LINGO2: variants seen among roughly 807,000 people sequenced by gnomAD.
LINGO2 encodes the protein leucine rich repeat and Ig domain containing 2.
Under a neutral mutation model 30.6 loss-of-function variants are expected in LINGO2, and 14 were observed. The observed-to-expected ratio is 0.46, with a 90% CI of 0.30 to 0.72. The LOEUF (loss-of-function observed/expected upper bound fraction) is 0.72. LINGO2 is among the 30% of genes least tolerant of loss of function. LINGO2 has a pLI of 0.07. For synonymous variants in LINGO2, 317 were observed against 288.5 expected (o/e 1.10, Z -1.00); for missense variants, 729 against 751.7 (o/e 0.97, Z 0.35).
chr9:29,135,500 G>A, the LINGO2 span, among the ~76,000 whole-genome samples: 2 of 150,698 alleles, frequency 1.3e-5, no homozygotes, highest in Non-Finnish European at 2.9e-5. Context: ...GGAGCTTGCA[G>A]TGAGCCGGGA....
chr9:28,697,254 A>G, the LINGO2 span, among the ~76,000 whole-genome samples: 1 of 151,898 alleles, frequency 6.6e-6, no homozygotes, highest in Non-Finnish European at 1.5e-5. Flanking sequence ...TCTTCTTCCT[A>G]GTGTTCTGTC....
intron 2 of LINGO2, among the ~76,000 whole-genome samples, chr9:28,396,226 T>A (rs955886479): frequency 6.6e-5 from 10 of 152,186 alleles, no homozygotes; most frequent in African/African-American, 2.2e-4. Context: ...ATTGACTCAC[T>A]TATTCTTTAT....
At chr9:28,350,002 C>A (rs1819787937) in intron 3 of LINGO2, among the ~76,000 whole-genome samples, 1 of 152,002 alleles carries the variant, frequency 6.6e-6, no homozygotes. Flanking sequence ...GAAGGAAGCA[C>A]TAAACATGGA....
At chr9:28,438,827 C>CATATATATATAT (rs200082723) in intron 2 of LINGO2, among the ~76,000 whole-genome samples, 204 of 130,792 alleles carry the variant, frequency 1.6e-3, no homozygotes, top group African/African-American at 5.4e-3. Flanking sequence ...AAAATATATA[C>CATATATATATAT]ATATATATAT....
intron 4 of LINGO2, among the ~76,000 whole-genome samples, chr9:28,270,721 T>C (rs988829631): frequency 1.3e-5 from 2 of 152,098 alleles, no homozygotes; most frequent in Non-Finnish European, 2.9e-5. Flanking sequence ...GTTGGGAAAA[T>C]AGTAATTAGT....
At chr9:28,650,801 T>G (rs1157601788) in intron 1 of LINGO2, among the ~76,000 whole-genome samples, 1 of 152,236 alleles carries the variant, frequency 6.6e-6, no homozygotes, top group African/African-American at 2.4e-5. Context: ...TCACTGTCAC[T>G]GTATTCTCTG....
At chr9:28,803,971 T>C in the LINGO2 span, among the ~76,000 whole-genome samples, 1 of 152,128 alleles carries the variant, frequency 6.6e-6, no homozygotes, top group Non-Finnish European at 1.5e-5. Context: ...ATGATTTCTC[T>C]CATCCCAATA....
chr9:28,177,782 T>A (rs543988995), intron 4 of LINGO2, among the ~76,000 whole-genome samples: 2 of 152,280 alleles, frequency 1.3e-5, no homozygotes, highest in African/African-American at 2.4e-5. Context: ...AAAAATTCCA[T>A]GAAATAAATT....
intron 1 of LINGO2, among the ~76,000 whole-genome samples, chr9:28,639,477 G>C (rs1588006860): frequency 6.6e-6 from 1 of 151,468 alleles, no homozygotes; most frequent in Admixed American, 6.6e-5. Flanking sequence ...AGGTCTCTAA[G>C]GACTTGCTTT....
At chr9:28,074,968 AT>A (rs1825582004) in intron 4 of LINGO2, among the ~76,000 whole-genome samples, 1 of 150,862 alleles carries the variant, frequency 6.6e-6, no homozygotes, top group African/African-American at 2.4e-5. Flanking sequence ...ATAAAATTAT[AT>A]TTTTAATGTA....
chr9:28,575,396 C>CA (rs3065643), intron 1 of LINGO2, among the ~76,000 whole-genome samples: 99,511 of 141,018 alleles, frequency 0.71, 36,304 homozygotes, highest in Middle Eastern at 0.82. Context: ...GACTCCGTCT[C>CA]AAAAAAAAAA....
At chr9:28,948,225 C>T in the LINGO2 span, among the ~76,000 whole-genome samples, 24,927 of 151,868 alleles carry the variant, frequency 0.16, 2,071 homozygotes, top group South Asian at 0.2. Context: ...AATCAAGTTA[C>T]AGTGTGTTAG....
chr9:28,670,464 G>A (rs953568445), upstream of LINGO2, among the ~76,000 whole-genome samples: 1 of 152,054 alleles, frequency 6.6e-6, no homozygotes, highest in Non-Finnish European at 1.5e-5. Flanking sequence ...ATGTCTGTCT[G>A]GGACTTCCGA....
intron 4 of LINGO2, among the ~76,000 whole-genome samples, chr9:28,134,918 C>T (rs148463206): frequency 5.8e-4 from 89 of 152,266 alleles, no homozygotes; most frequent in Non-Finnish European, 1.1e-3. Context: ...TAAGCTCAGA[C>T]GCTCTATACA....
intron 4 of LINGO2, among the ~76,000 whole-genome samples, chr9:28,244,350 C>T (rs1364608994): frequency 6.6e-6 from 1 of 152,078 alleles, no homozygotes; most frequent in African/African-American, 2.4e-5. Flanking sequence ...ATTGATAGCA[C>T]TAAATGCCCA....
At chr9:28,692,700 C>A in the LINGO2 span, among the ~76,000 whole-genome samples, 1 of 152,052 alleles carries the variant, frequency 6.6e-6, no homozygotes, top group South Asian at 2.1e-4. Context: ...CTCAGTGAAA[C>A]CTTCTCTAAC....
chr9:28,781,582 T>C, the LINGO2 span, among the ~76,000 whole-genome samples: 2 of 152,214 alleles, frequency 1.3e-5, no homozygotes, highest in Non-Finnish European at 2.9e-5. Context: ...ATTATGCATG[T>C]TATTAAACAA....
At chr9:28,749,258 A>T in the LINGO2 span, among the ~76,000 whole-genome samples, 1 of 152,116 alleles carries the variant, frequency 6.6e-6, no homozygotes, top group South Asian at 2.1e-4. Context: ...CCTCTGGAAA[A>T]TGTTCCTTTT....
At chr9:28,279,762 G>T (rs1231652292) in intron 4 of LINGO2, among the ~76,000 whole-genome samples, 1 of 151,932 alleles carries the variant, frequency 6.6e-6, no homozygotes, top group African/African-American at 2.4e-5. Flanking sequence ...CTCCCAGGAG[G>T]TATGCCAGCC....
Sources: allele counts gnomAD v4.1 joint callset (sites outside exome capture counted in the v4.1 genomes callset), GRCh38; gene constraint gnomAD v4.1.1; transcripts MANE v1.5; gene names NCBI Gene and HGNC (gene_info 2026-07-23, HGNC 2026-07-21).